The following MYLK variants were observed in gnomAD, a reference collection of about 807,000 sequenced individuals.
The protein encoded by MYLK is myosin light chain kinase, smooth muscle.
A neutral mutation model predicts 203.4 loss-of-function variants in MYLK; 106 were observed. The ratio of observed to expected loss-of-function variants is 0.52; its 90% CI spans 0.45 to 0.61. The LOEUF (loss-of-function observed/expected upper bound fraction) is 0.61, where lower values mean the gene tolerates loss of function less well. Ranked by LOEUF, MYLK falls within the 20% of genes least tolerant of loss-of-function variation. The pLI is 0.00. For missense variants in MYLK, 2,072 were observed against 2,442.3 expected (o/e 0.85, Z 3.20); for synonymous variants, 867 against 959.5 (o/e 0.90, Z 1.78).
chr3:123,745,638 G>A (rs2062991919), intron 5 of MYLK, among the ~76,000 whole-genome samples: 1 of 152,008 alleles, frequency 6.6e-6, no homozygotes, highest in African/African-American at 2.4e-5. Flanking sequence ...CTTAGTACAG[G>A]GGATGAAGTA....
At position 123,612,506 on chromosome 3, in the gene MYLK, G is replaced by GTGA. The variant is rs1393951703; in HGVS notation, c.*1596_*1598dup. ...CAAAGGTTATATTCTGAACACAAAA[G>GTGA]TGATAGAAAAAAGCTTTGAATGCGC... is the stretch of plus-strand genomic sequence containing the variant. On this transcript the variant is annotated 3_prime_UTR_variant, in exon 34 of 34. Transcript: ENST00000360304. 2 of 152,494 alleles carry GTGA rather than the reference G, an allele frequency of 1.3e-5. No homozygotes were observed. Among genetic ancestry groups the GTGA allele is most frequent in the Non-Finnish European group, 2.9e-5 (2 of 67,998 alleles). 9.4% of individuals were successfully genotyped at this position (152,494 alleles called of 1,614,324 possible).
intron 18 of MYLK, chr3:123,698,839 A>T (rs1186974122): frequency 1.3e-5 from 2 of 152,484 alleles, no homozygotes; most frequent in African/African-American, 4.8e-5. Flanking sequence ...GTGATCTTCA[A>T]ATGCTCCATT....
intron 4 of MYLK, among the ~76,000 whole-genome samples, chr3:123,770,737 G>A (rs1369436465): frequency 2.0e-5 from 3 of 152,184 alleles, no homozygotes; most frequent in East Asian, 1.9e-4. Flanking sequence ...ACCAAAAGGA[G>A]GGCATATCTG....
intron 29 of MYLK, chr3:123,630,746 G>A (rs2058381134): frequency 6.6e-6 from 1 of 152,260 alleles, no homozygotes; most frequent in Non-Finnish European, 1.5e-5. Context: ...TTACCAAGCT[G>A]TGAGTGCAGG....
intron 20 of MYLK, among the ~76,000 whole-genome samples, chr3:123,671,116 G>C (rs893382419): frequency 3.3e-5 from 5 of 152,226 alleles, no homozygotes; most frequent in Admixed American, 6.5e-5. Flanking sequence ...ATAATTTAAG[G>C]GGCTAAACAA....
intron 20 of MYLK, among the ~76,000 whole-genome samples, chr3:123,677,082 G>C (rs2060094267): frequency 6.6e-6 from 1 of 151,960 alleles, no homozygotes; most frequent in African/African-American, 2.4e-5. Flanking sequence ...CCCTAAACCT[G>C]TATGCTTAAG....
At chr3:123,875,961 T>C (rs72974239) in intron 2 of MYLK, among the ~76,000 whole-genome samples, 15,292 of 152,196 alleles carry the variant, frequency 0.1, 1,203 homozygotes, top group East Asian at 0.36. Flanking sequence ...ATAGAAAAGC[T>C]AGAACTCAAA....
chr3:123,626,951 G>A lies in MYLK; in HGVS notation c.5115-10C>T. The A allele has an allele frequency of 6.2e-7, 1 of 1,614,068 alleles. No individual in the cohort carries two copies. Among genetic ancestry groups the A allele is most frequent in the South Asian group, 1.1e-5 (1 of 91,082 alleles). ...GCAGTCCAGGCGGTTTCTGACAGAG[G>A]CAGAGATCAGGAGATTTTTGAGCAG... On this transcript the variant is annotated splice_polypyrimidine_tract_variant and intron_variant, in intron 30 of 33. Coordinates refer to ENST00000360304, the MANE Select transcript of MYLK (RefSeq NM_053025.4).
rs1365602101 is a variant in MYLK, at chr3:123,852,084, A to C, written c.-126-20414T>G. Reference sequence around the variant, plus strand: ...GTATGTTGAACCAGCCTTGCATCTCAGGGATGAAGCCCACTTGATCATGGT... The same window carrying C: ...GTATGTTGAACCAGCCTTGCATCTCCGGGATGAAGCCCACTTGATCATGGT... On this transcript the variant is annotated intron_variant, in intron 2 of 33. Coordinates refer to ENST00000360304, the MANE Select transcript of MYLK (RefSeq NM_053025.4). Among the ~76,000 whole-genome samples the C allele has an allele frequency of 9.8e-5, 15 of 152,334 alleles. No homozygotes were observed. The East Asian group carries it at 1.9e-3, about 20-fold the overall frequency.
rs532573905 is a variant in MYLK at position 123,820,680 on chromosome 3, T to A, written c.-4+10868A>T. On this transcript the variant is annotated intron_variant, in intron 3 of 33. Transcript: ENST00000360304. Reference sequence around the variant, plus strand: ...CTTCCTTCCCTCCTTCCTTCCTTCCTTCCTTCCCTCCTTCCTTCCTTCCTT... The same window carrying A: ...CTTCCTTCCCTCCTTCCTTCCTTCCATCCTTCCCTCCTTCCTTCCTTCCTT... Among the ~76,000 whole-genome samples the A allele has an allele frequency of 2.0e-5, 3 of 150,560 alleles. No homozygotes were observed. In the South Asian group the frequency reaches 6.4e-4, roughly 32 times the overall value.
intron 4 of MYLK, among the ~76,000 whole-genome samples, chr3:123,765,667 T>A (rs1208099327): frequency 6.6e-6 from 1 of 151,844 alleles, no homozygotes; most frequent in Non-Finnish European, 1.5e-5. Flanking sequence ...ACAAGCAAAA[T>A]ATGATATATG....
intron 13 of MYLK, chr3:123,715,708 G>T (rs1288527171): frequency 2.0e-5 from 3 of 152,084 alleles, no homozygotes; most frequent in African/African-American, 7.2e-5. Context: ...CCTTTGTCCT[G>T]GTGGCTGACC....
In MYLK at chr3:123,737,502, A is replaced by C; in HGVS notation, c.630T>G (p.Ser210=). Reference sequence around the variant, plus strand: ...CCAGAACCTGCATGCCGTTCTTCTCAGACACAGACACACGGGCACTCGGCT... The same window carrying C: ...CCAGAACCTGCATGCCGTTCTTCTCCGACACAGACACACGGGCACTCGGCT... ...PLQPSARVSV[S]EKNGMQVLEI... is the part of the protein sequence containing the mutation. The change falls in exon 8 of 34, where the codon TCT becomes TCG. Residue 210 remains serine (S), a synonymous_variant. Transcript: ENST00000360304. The C allele has an allele frequency of 6.2e-7, 1 of 1,614,198 alleles. No homozygotes were observed. Among genetic ancestry groups the C allele is most frequent in the African/African-American group, 1.3e-5 (1 of 75,050 alleles).
intron 4 of MYLK, among the ~76,000 whole-genome samples, chr3:123,793,438 C>A (rs773572263): frequency 6.6e-6 from 1 of 152,182 alleles, no homozygotes; most frequent in Non-Finnish European, 1.5e-5. Context: ...ACATTAACAG[C>A]AAAACATCAC....
Position 123,657,284 on chromosome 3 carries a change from G to T in MYLK, c.4130C>A (p.Thr1377Lys). 1 of 1,614,126 alleles carries T rather than the reference G, an allele frequency of 6.2e-7. No individual in the cohort carries two copies. Among genetic ancestry groups the T allele is most frequent in the South Asian group, 1.1e-5 (1 of 91,074 alleles). Residue 1377 changes from threonine to lysine, a missense_variant, in exon 24 of 34, where the codon ACG becomes AAG. Thr to Lys is a moderately conservative substitution (Grantham distance 78). Coordinates refer to ENST00000360304, the MANE Select transcript of MYLK (RefSeq NM_053025.4). The stretch of plus-strand genomic sequence containing the variant: ...GCGGCATGTGGCTAGTTCCTTCCAC[G>T]TCTTGTTGGCTGAGTCCCAGATCTC... Reference protein sequence around the residue: ...SIEIWDSANKTWKELATCRST... With the variant: ...SIEIWDSANKKWKELATCRST...
At chr3:123,832,273 A>G (rs2066354286) in intron 2 of MYLK, among the ~76,000 whole-genome samples, 1 of 152,198 alleles carries the variant, frequency 6.6e-6, no homozygotes, top group African/African-American at 2.4e-5. Context: ...AGCCTGGCCC[A>G]GGCTCCTGAA....
In MYLK at chr3:123,674,783, C is replaced by T. The variant is rs535614261; in HGVS notation, c.3652+7441G>A. Reference sequence around the variant, plus strand: ...TGCTGGGCCCTCTTCTCTTGGATGGCTCTTGCATATTCTTTGGGCAGGTCG... The same window carrying T: ...TGCTGGGCCCTCTTCTCTTGGATGGTTCTTGCATATTCTTTGGGCAGGTCG... On this transcript the variant is annotated intron_variant, in intron 20 of 33. Transcript: ENST00000360304. 8.3e-4 allele frequency among the ~76,000 whole-genome samples: 126 copies of T among 152,376 alleles called. 1 individual carries two copies. The highest frequency in any genetic ancestry group is 1.4e-3 in the Non-Finnish European group (95 of 68,042).
intron 2 of MYLK, among the ~76,000 whole-genome samples, chr3:123,845,515 A>C (rs2029874999): frequency 6.6e-6 from 1 of 152,054 alleles, no homozygotes; most frequent in Admixed American, 6.6e-5. Context: ...TTTTGAGACA[A>C]GGTCTCACTC....
At position 123,612,321 on chromosome 3, in the gene MYLK, A is replaced by G. The variant is rs2057265956; in HGVS notation, c.*1784T>C. 2 of 152,662 alleles carry G rather than the reference A, an allele frequency of 1.3e-5. No individual in the cohort carries two copies. The highest frequency in any genetic ancestry group is 2.9e-5 in the Non-Finnish European group (2 of 68,040). The allele number at this position is 152,662 out of a possible 1,614,324, so 9.5% of individuals were successfully genotyped here. The stretch of plus-strand genomic sequence containing the variant: ...TTGAACAAACAGCATGCACTGTGGT[A>G]TCCTTTATTTAAAAATTGTGAGCTG... On this transcript the variant is annotated 3_prime_UTR_variant, in exon 34 of 34. Transcript: ENST00000360304.
Sources: gnomAD v4.1 joint callset for allele counts (sites outside exome capture counted in the v4.1 genomes callset) on GRCh38, gnomAD v4.1.1 for gene constraint, MANE v1.5 for transcripts, NCBI Gene and HGNC (gene_info 2026-07-23, HGNC 2026-07-21) for gene names.